Variants in TCF20 observed in about 807,000 individuals in gnomAD.
TCF20 encodes SPRE-binding protein.
Under a neutral mutation model 148.6 loss-of-function variants are expected in TCF20, and 3 were observed. That is an observed-to-expected ratio of 0.02 (90% CI 0.01 to 0.05). The LOEUF is 0.05. TCF20 is among the 10% of genes least tolerant of loss of function. The pLI, the probability that TCF20 is intolerant of heterozygous loss-of-function variation, is 1.00. For synonymous variants in TCF20, 1,049 were observed against 909.5 expected (o/e 1.15, Z -2.76); for missense variants, 2,350 against 2,429.3 (o/e 0.97, Z 0.69).
intron 1 of TCF20, among the ~76,000 whole-genome samples, chr22:42,268,545 AAC>A (rs775710219): frequency 5.9e-5 from 9 of 152,232 alleles, no homozygotes; most frequent in African/African-American, 9.6e-5. Context: ...TGGAAATTTC[AAC>A]AGTTAGCCAA....
At chr22:42,185,681 C>G (rs1222913434) in intron 2 of TCF20, among the ~76,000 whole-genome samples, 1 of 152,194 alleles carries the variant, frequency 6.6e-6, no homozygotes, top group Non-Finnish European at 1.5e-5. Flanking sequence ...ACTCTGCATC[C>G]TATCAAGCTT....
rs1344510398 is a variant in TCF20 at position 42,223,027 on chromosome 22, T to TA, written c.-36-7687dup. ...AGCTGGGTGTGCTGGCTTGTGCCTGTAGTCCCAGCCACTCCAGAGGCTGAG... is the reference window on the plus strand; with the variant it reads ...AGCTGGGTGTGCTGGCTTGTGCCTGTAAGTCCCAGCCACTCCAGAGGCTGAG... On this transcript the variant is annotated intron_variant, in intron 1 of 5. Transcript: ENST00000677622. Among the ~76,000 whole-genome samples the TA allele has an allele frequency of 2.9e-4, 44 of 152,272 alleles. No homozygotes were observed. In the East Asian group the frequency reaches 6.2e-3, roughly 21 times the overall value.
At chr22:42,273,586 T>C (rs1289187237), upstream of TCF20, among the ~76,000 whole-genome samples, 1 of 151,498 alleles carries the variant, frequency 6.6e-6, no homozygotes, top group East Asian at 1.9e-4. Flanking sequence ...CTCAAATGCA[T>C]GGATCCTGTT....
intron 1 of TCF20, among the ~76,000 whole-genome samples, chr22:42,322,675 T>C (rs1927754438): frequency 6.6e-6 from 1 of 151,706 alleles, no homozygotes. Context: ...CCTGAGTGAG[T>C]GAGCACCTGA....
Position 42,213,415 on chromosome 22 carries a change from C to T in TCF20, c.1891G>A (p.Asp631Asn). 6.2e-7 allele frequency: 1 copy of T among 1,614,202 alleles called. No individual in the cohort carries two copies. Among genetic ancestry groups the T allele is most frequent in the East Asian group, 2.2e-5 (1 of 44,882 alleles). The change falls in exon 2 of 6, where the codon GAT (aspartate) becomes AAT (asparagine). Residue 631 changes from aspartate (D) to asparagine (N), a missense_variant. This residue lies in a region of TCF20 where 1,641 missense variants were observed against 1,662.6 expected (regional missense o/e 0.99). Coordinates refer to ENST00000677622, the MANE Select transcript of TCF20 (RefSeq NM_001378418.1). ...GGTGGCCTTTGAGTGGCTGCAGGAT[C>T]ATCCTCTTGGGAGCCTTTATCTTGT... ...GGQDKGSQED[D>N]PAATQRPPSN...
chr22:42,210,759 T>C lies in TCF20; in HGVS notation c.4547A>G (p.Asn1516Ser), dbSNP rs749906820. 6.2e-7 allele frequency: 1 copy of C among 1,614,186 alleles called. No homozygotes were observed. The highest frequency in any genetic ancestry group is 1.1e-5 in the South Asian group (1 of 91,078). Residue 1516 changes from asparagine (N) to serine (S), a missense_variant, in exon 2 of 6, where the codon AAC becomes AGC. This residue lies in a region of TCF20 where 231 missense variants were observed against 213.7 expected (regional missense o/e 1.08). Coordinates refer to ENST00000677622, the MANE Select transcript of TCF20 (RefSeq NM_001378418.1). This position sits in a 1 kb window ranked among gnomAD's most constrained non-coding sequence, Gnocchi z 4.7. ...EANPKAEEKE[N>S]DTVTISPKQE... ...CTTCGGTGAAATCGTCACTGTATCG[T>C]TCTCCTTCTCTTCAGCCTTGGGGTT...
At chr22:42,302,165 C>G (rs1474596677) in intron 1 of TCF20, among the ~76,000 whole-genome samples, 3 of 152,202 alleles carry the variant, frequency 2.0e-5, no homozygotes, top group Non-Finnish European at 4.4e-5. Flanking sequence ...TGCCTTGATG[C>G]TGCCTTAAGG....
At chr22:42,189,783 A>C (rs1214683519) in intron 2 of TCF20, among the ~76,000 whole-genome samples, 1 of 152,250 alleles carries the variant, frequency 6.6e-6, no homozygotes, top group African/African-American at 2.4e-5. Context: ...AAACTGTTCC[A>C]GTTAGTTTAA....
In TCF20 at chr22:42,209,777, A is replaced by G; in HGVS notation, c.5529T>C (p.Pro1843=). The change falls in exon 2 of 6, where the codon CCT becomes CCC. Residue 1843 remains proline (P), a synonymous_variant. Coordinates refer to ENST00000677622, the MANE Select transcript of TCF20 (RefSeq NM_001378418.1). ...EGGPELELQI[P]ELPLDSNEFW... ...ATTCATTGCTGTCAAGAGGTAGTTC[A>G]GGGATTTGTAACTCCAGCTCAGGGC... is the stretch of plus-strand genomic sequence containing the variant. 1 of 1,614,194 alleles carries G rather than the reference A, an allele frequency of 6.2e-7. No homozygotes were observed. The highest frequency in any genetic ancestry group is 1.3e-5 in the African/African-American group (1 of 75,048).
chr22:42,324,061 A>G (rs200809362), intron 1 of TCF20, among the ~76,000 whole-genome samples: 194 of 3,740 alleles, frequency 0.052, 1 homozygote, highest in East Asian at 0.13. Context: ...GGTGGTGGTG[A>G]TGGAGGTTAT....
intron 1 of TCF20, among the ~76,000 whole-genome samples, chr22:42,341,629 C>T (rs1057359930): frequency 6.6e-6 from 1 of 152,152 alleles, no homozygotes; most frequent in East Asian, 1.9e-4. Flanking sequence ...TTCCGAGAGC[C>T]CTGTAAGGGA....
intron 3 of TCF20, among the ~76,000 whole-genome samples, chr22:42,173,591 T>G (rs995732751): frequency 2.6e-5 from 4 of 152,198 alleles, no homozygotes; most frequent in Non-Finnish European, 5.9e-5. Context: ...TTGTTATGAT[T>G]AGAAAGAAAA....
chr22:42,234,589 G>C (rs1923711097), intron 1 of TCF20, among the ~76,000 whole-genome samples: 1 of 152,146 alleles, frequency 6.6e-6, no homozygotes, highest in Admixed American at 6.5e-5. Context: ...GAAACAATGT[G>C]CTAGTTCTTG....
chr22:42,337,608 T>C (rs1171502531), intron 1 of TCF20, among the ~76,000 whole-genome samples: 1 of 152,256 alleles, frequency 6.6e-6, no homozygotes, highest in Non-Finnish European at 1.5e-5. Flanking sequence ...TGTAAAATCC[T>C]GCCTGATCCT....
rs765523061 is a variant in TCF20 at position 42,212,097 on chromosome 22, T to C, written c.3209A>G (p.His1070Arg). 3.1e-6 allele frequency: 5 copies of C among 1,614,154 alleles called. No homozygotes were observed. Among genetic ancestry groups the C allele is most frequent in the Non-Finnish European group, 4.2e-6 (5 of 1,180,024 alleles). The change falls in exon 2 of 6, where the codon CAT becomes CGT. Residue 1070 changes from histidine (H) to arginine (R), a missense_variant. Around this residue, in one of 7 missense-constraint regions of TCF20, gnomAD observed 1,641 missense variants for 1,662.6 expected, o/e 0.99. Coordinates refer to ENST00000677622, the MANE Select transcript of TCF20 (RefSeq NM_001378418.1). ...ACCTGCGTTAGGGTCCCCATAAGCA[T>C]GAGCCCGAGTATTTGCATGATAAGC... ...ASAYHANTRA[H>R]AYGDPNAGLN...
chr22:42,308,488 G>A (rs1353078536), intron 1 of TCF20, among the ~76,000 whole-genome samples: 2 of 152,080 alleles, frequency 1.3e-5, no homozygotes, highest in African/African-American at 2.4e-5. Context: ...TTTTACAAAT[G>A]AACAGAGTCT....
chr22:42,249,364 A>G (rs1925179097), intron 1 of TCF20, among the ~76,000 whole-genome samples: 1 of 152,112 alleles, frequency 6.6e-6, no homozygotes, highest in African/African-American at 2.4e-5. Flanking sequence ...ATATCTATAC[A>G]CATATCCTAT....
At chr22:42,256,472 GTTTTTTT>G (rs59215167) in intron 1 of TCF20, among the ~76,000 whole-genome samples, 4 of 139,080 alleles carry the variant, frequency 2.9e-5, no homozygotes, top group Admixed American at 2.9e-4. Context: ...ATGTAGCAAA[GTTTTTTT>G]TTTTTTTTTA....
chr22:42,213,452 T>C lies in TCF20; in HGVS notation c.1854A>G (p.Glu618=). 1 of 1,614,168 alleles carries C rather than the reference T, an allele frequency of 6.2e-7. No homozygotes were observed. Among genetic ancestry groups the C allele is most frequent in the Non-Finnish European group, 8.5e-7 (1 of 1,180,024 alleles). ...AGCCTTTATCTTGTCCACCAGGCTTTTCTACCCGACCTGTCATGGCTTCCC... is the reference window on the plus strand; with the variant it reads ...AGCCTTTATCTTGTCCACCAGGCTTCTCTACCCGACCTGTCATGGCTTCCC... ...VSREAMTGRV[E]KPGGQDKGSQ... Residue 618 remains glutamate, a synonymous_variant, in exon 2 of 6, where the codon GAA becomes GAG. Coordinates refer to ENST00000677622, the MANE Select transcript of TCF20 (RefSeq NM_001378418.1).
Sources: allele counts gnomAD v4.1 joint callset (sites outside exome capture counted in the v4.1 genomes callset), GRCh38; gene constraint gnomAD v4.1.1; regional missense constraint gnomAD v4.1.1; non-coding constraint Gnocchi (gnomAD v3.1); transcripts MANE v1.5; gene names NCBI Gene and HGNC (gene_info 2026-07-23, HGNC 2026-07-21).